ATRN: variants seen among roughly 807,000 people sequenced by gnomAD.
ATRN encodes the protein attractin, also known as attractin-2.
A neutral mutation model predicts 178.7 loss-of-function variants in ATRN; 54 were observed. The observed-to-expected ratio is 0.30, with a 90% CI of 0.24 to 0.38. ATRN has a LOEUF of 0.38. Ranked by LOEUF, ATRN falls within the 10% of genes least tolerant of loss-of-function variation. The pLI, the probability that ATRN is intolerant of heterozygous loss-of-function variation, is 1.00. For missense variants in ATRN, 1,443 were observed against 1,815.1 expected (o/e 0.79, Z 3.73); for synonymous variants, 636 against 663.0 (o/e 0.96, Z 0.63).
intron 24 of ATRN, among the ~76,000 whole-genome samples, chr20:3,616,167 C>T (rs2146307932): frequency 6.6e-6 from 1 of 152,198 alleles, no homozygotes; most frequent in Admixed American, 6.5e-5. Context: ...TTCATCTGGA[C>T]TCTTTTTCCC....
At chr20:3,620,333 A>G (rs1257147442) in intron 24 of ATRN, among the ~76,000 whole-genome samples, 1 of 151,510 alleles carries the variant, frequency 6.6e-6, no homozygotes, top group Non-Finnish European at 1.5e-5. Context: ...CAACCTCTCC[A>G]CCTCCTGGGT....
intron 21 of ATRN, among the ~76,000 whole-genome samples, chr20:3,597,407 A>C (rs2086546124): frequency 6.6e-6 from 1 of 152,222 alleles, no homozygotes; most frequent in African/African-American, 2.4e-5. Flanking sequence ...TAAGCACATT[A>C]AAAACGACTT....
At chr20:3,553,867 G>T (rs933598949) in intron 6 of ATRN, among the ~76,000 whole-genome samples, 3 of 152,066 alleles carry the variant, frequency 2.0e-5, no homozygotes, top group African/African-American at 7.2e-5. Flanking sequence ...CTTTTTTATA[G>T]TCCTCATTTT....
At chr20:3,581,738 TA>T (rs1397741076) in intron 15 of ATRN, among the ~76,000 whole-genome samples, 1 of 152,228 alleles carries the variant, frequency 6.6e-6, no homozygotes, top group East Asian at 1.9e-4. Context: ...TTTCAGAACT[TA>T]AATATTGCTT....
chr20:3,585,531 C>T (rs1342117022), intron 18 of ATRN, among the ~76,000 whole-genome samples: 2 of 152,162 alleles, frequency 1.3e-5, no homozygotes, highest in Non-Finnish European at 2.9e-5. Flanking sequence ...TTTCCGTGTT[C>T]CCTTTTTTCC....
In ATRN at chr20:3,631,497, T is replaced by C. The variant is rs141073940; in HGVS notation, c.3864-2814T>C. Among the ~76,000 whole-genome samples, 415 of 152,264 alleles carry C rather than the reference T, an allele frequency of 2.7e-3. 1 individual carries two copies. The highest frequency in any genetic ancestry group is 3.9e-3 in the Non-Finnish European group (267 of 68,006). ...TTGAGACTGTGTCCTAATGAGATGC[T>C]TTTCCAGCCTCAGGAAGGAGCCTCC... On this transcript the variant is annotated intron_variant, in intron 25 of 28. Coordinates refer to ENST00000262919, the MANE Select transcript of ATRN (RefSeq NM_139321.3).
In ATRN at chr20:3,604,208, A is replaced by G. The variant is rs1394982757; in HGVS notation, c.3747A>G (p.Pro1249=). The G allele has an allele frequency of 4.3e-6, 7 of 1,613,152 alleles. No homozygotes were observed. Among genetic ancestry groups the G allele is most frequent in the Admixed American group, 1.7e-5 (1 of 59,784 alleles). ...SNEKFDFRNH[P]NITFFVYVSN... ...AGAAGTTTGATTTTCGCAACCACCC[A>G]AATATCACTTTCTTTGTTTATGTCA... The change falls in exon 24 of 29, where the codon CCA becomes CCG. Residue 1249 remains proline, a synonymous_variant. Coordinates refer to ENST00000262919, the MANE Select transcript of ATRN (RefSeq NM_139321.3).
Position 3,537,274 on chromosome 20 carries a change from C to G in ATRN, c.494+1938C>G, listed in dbSNP as rs867617499. On this transcript the variant is annotated intron_variant, in intron 2 of 28. Coordinates refer to ENST00000262919, the MANE Select transcript of ATRN (RefSeq NM_139321.3). Reference sequence around the variant, plus strand: ...CAGTTGTTTTCTTTGAAGTGGCAGGCTTGCTTTCCTCATTTTTAAGAAAAT... The same window carrying G: ...CAGTTGTTTTCTTTGAAGTGGCAGGGTTGCTTTCCTCATTTTTAAGAAAAT... 2.8e-4 allele frequency among the ~76,000 whole-genome samples: 42 copies of G among 152,248 alleles called. 1 individual carries two copies. Among genetic ancestry groups the G allele is most frequent in the African/African-American group, 9.4e-4 (39 of 41,564 alleles).
At chr20:3,507,748 G>A (rs1200545813) in intron 1 of ATRN, among the ~76,000 whole-genome samples, 1 of 146,290 alleles carries the variant, frequency 6.8e-6, no homozygotes, top group Non-Finnish European at 1.5e-5. Context: ...TGCCAGGCTG[G>A]ATCTCGGCTC....
intron 1 of ATRN, among the ~76,000 whole-genome samples, chr20:3,521,418 C>T (rs1000867270): frequency 2.6e-5 from 4 of 151,328 alleles, no homozygotes; most frequent in Non-Finnish European, 5.9e-5. Flanking sequence ...TTCATAAAGA[C>T]AAACATGTAA....
intron 2 of ATRN, among the ~76,000 whole-genome samples, chr20:3,538,194 T>G (rs2085567573): frequency 6.6e-6 from 1 of 151,526 alleles, no homozygotes; most frequent in African/African-American, 2.4e-5. Flanking sequence ...TAGAAGTTTT[T>G]AACTGCTTAA....
At chr20:3,471,631 G>A in intron 1 of ATRN, 114 bp downstream of exon 1, 1 of 1,296,942 alleles carries the variant, frequency 7.7e-7, no homozygotes, top group Non-Finnish European at 9.9e-7. Context: ...AGAGGGTAGG[G>A]CCGCCCTATG....
At position 3,471,452 on chromosome 20, in the gene ATRN, C is replaced by G; in HGVS notation, c.345C>G (p.Thr115=). 7.0e-7 allele frequency: 1 copy of G among 1,432,034 alleles called. No homozygotes were observed. The highest frequency in any genetic ancestry group is 9.1e-7 in the Non-Finnish European group (1 of 1,100,670). 88.7% of individuals were successfully genotyped at this position (1,432,034 alleles called of 1,614,324 possible). A position where few individuals can be genotyped will look rare whatever the true frequency, so the allele number is the denominator to read the frequency against. ...ACGGCGGTCGCTGCAACCCTGGCAC[C>G]GGCCAGTGCGTCTGCCCCGCCGGCT... is the stretch of plus-strand genomic sequence containing the variant. The part of the protein sequence containing the change: ...CVNGGRCNPG[T]GQCVCPAGWV... The change falls in exon 1 of 29, where the codon ACC becomes ACG. Residue 115 remains threonine, a synonymous_variant. Coordinates refer to ENST00000262919, the MANE Select transcript of ATRN (RefSeq NM_139321.3).
At position 3,577,807 on chromosome 20, in the gene ATRN, A is replaced by G. The variant is rs115733791; in HGVS notation, c.2354-775A>G. On this transcript the variant is annotated intron_variant, in intron 14 of 28. Transcript: ENST00000262919. The stretch of plus-strand genomic sequence containing the variant: ...TGTGCATTTTATCTAGTCGACTGCT[A>G]CACTGTGAGGAGCAAGTCTTTGTCT... Among the ~76,000 whole-genome samples, 687 of 152,258 alleles carry G rather than the reference A, an allele frequency of 4.5e-3. 2 individuals carry two copies. Among genetic ancestry groups the G allele is most frequent in the African/African-American group, 0.016 (654 of 41,546 alleles).
At chr20:3,609,243 TC>T (rs1188029422) in intron 24 of ATRN, among the ~76,000 whole-genome samples, 1 of 152,214 alleles carries the variant, frequency 6.6e-6, no homozygotes, top group Non-Finnish European at 1.5e-5. Context: ...GGCTTTCACC[TC>T]CTTGGTTAGA....
intron 1 of ATRN, among the ~76,000 whole-genome samples, chr20:3,533,889 C>G (rs1303416946): frequency 6.6e-6 from 1 of 152,076 alleles, no homozygotes; most frequent in African/African-American, 2.4e-5. Context: ...AACTCATGGC[C>G]TCAAGCAGTC....
At chr20:3,637,712 A>G (rs1026205711) in intron 26 of ATRN, among the ~76,000 whole-genome samples, 22 of 152,144 alleles carry the variant, frequency 1.4e-4, no homozygotes, top group African/African-American at 5.3e-4. Context: ...ATTTGATCCC[A>G]GTGACAACCT....
chr20:3,625,641 G>A (rs2086932128), intron 25 of ATRN, among the ~76,000 whole-genome samples: 1 of 152,046 alleles, frequency 6.6e-6, no homozygotes, highest in South Asian at 2.1e-4. Flanking sequence ...TCACACACAG[G>A]AAGGTGCTCT....
intron 1 of ATRN, among the ~76,000 whole-genome samples, chr20:3,528,575 G>A (rs1370018164): frequency 6.6e-6 from 1 of 151,986 alleles, no homozygotes; most frequent in African/African-American, 2.4e-5. Context: ...AACAGACACC[G>A]GGACCTGCTT....
Sources: allele counts gnomAD v4.1 joint callset (sites outside exome capture counted in the v4.1 genomes callset), GRCh38; gene constraint gnomAD v4.1.1; transcripts MANE v1.5; gene names NCBI Gene and HGNC (gene_info 2026-07-23, HGNC 2026-07-21).